Variants in USP46 observed in about 807,000 individuals in gnomAD.
USP46 encodes ubiquitin specific peptidase 46, also known as ubiquitin carboxyl-terminal hydrolase 46.
In USP46, 12 loss-of-function variants were observed where a neutral mutation model predicts 44.4. The ratio of observed to expected loss-of-function variants is 0.27; its 90% confidence interval spans 0.17 to 0.44. The LOEUF is 0.44. Among genes scored for constraint, USP46 ranks in the 20% least tolerant of loss-of-function variants. The pLI, the probability that USP46 is intolerant of heterozygous loss-of-function variation, is 1.00. For synonymous variants in USP46, 155 were observed against 161.5 expected (o/e 0.96, Z 0.31); for missense variants, 248 against 444.8 (o/e 0.56, Z 3.98).
intron 1 of USP46, chr4:52,658,313 C>A (rs1472788361): frequency 4.4e-6 from 2 of 455,978 alleles, no homozygotes; most frequent in South Asian, 3.1e-5. Context: ...TGGGGGAAAC[C>A]CAAATTAAAG....
intron 5 of USP46, among the ~76,000 whole-genome samples, chr4:52,610,073 G>A (rs564864267): frequency 5.4e-5 from 8 of 148,754 alleles, no homozygotes; most frequent in East Asian, 3.9e-4. Context: ...CTACAGGCGC[G>A]CGCCACCATG....
rs1408506581 is a variant in USP46, at chr4:52,596,375, A to G, written c.*1265T>C. ...AACACCAAATGACCCTTTTAAAGGT[A>G]CCAATATTCAAATGCTCTAATAAAT... On this transcript the variant is annotated 3_prime_UTR_variant, in exon 9 of 9. Coordinates refer to ENST00000441222, the MANE Select transcript of USP46 (RefSeq NM_022832.4). The G allele has an allele frequency of 2.6e-5, 4 of 152,590 alleles. No individual in the cohort carries two copies. Among genetic ancestry groups the G allele is most frequent in the Admixed American group, 2.0e-4 (3 of 15,278 alleles). 9.5% of individuals were successfully genotyped at this position (152,590 alleles called of 1,614,324 possible).
At chr4:52,638,284 T>A (rs780679215) in intron 1 of USP46, among the ~76,000 whole-genome samples, 2 of 152,000 alleles carry the variant, frequency 1.3e-5, no homozygotes, top group Non-Finnish European at 2.9e-5. Context: ...GCCATGCTGC[T>A]GGCCTTGAAG....
intron 1 of USP46, among the ~76,000 whole-genome samples, chr4:52,639,395 C>T (rs1484186425): frequency 1.3e-5 from 2 of 152,162 alleles, no homozygotes; most frequent in Admixed American, 6.6e-5. Context: ...GTGTTGAGGA[C>T]TCGGGGTCCT....
rs565219750 is a variant in USP46 at position 52,654,506 on chromosome 4, T to C, written c.36+4609A>G. On this transcript the variant is annotated intron_variant, in intron 1 of 8. Coordinates refer to ENST00000441222, the MANE Select transcript of USP46 (RefSeq NM_022832.4). Reference sequence around the variant, plus strand: ...TCAAAATTGTAATGTTTACTTTCCCTTTATTTCCAGATAACTTCATTTATT... The same window carrying C: ...TCAAAATTGTAATGTTTACTTTCCCCTTATTTCCAGATAACTTCATTTATT... Among the ~76,000 whole-genome samples, 81 of 152,338 alleles carry C rather than the reference T, an allele frequency of 5.3e-4. 3 individuals are homozygous for C. The highest frequency in any genetic ancestry group is 4.7e-3 in the Admixed American group (72 of 15,302).
chr4:52,638,881 A>G (rs1718224775), intron 1 of USP46, among the ~76,000 whole-genome samples: 1 of 152,036 alleles, frequency 6.6e-6, no homozygotes, highest in Admixed American at 6.6e-5. Context: ...TGTACTGTTC[A>G]GTGAGGCATA....
At chr4:52,612,711 G>T (rs971568975) in intron 4 of USP46, among the ~76,000 whole-genome samples, 8 of 152,194 alleles carry the variant, frequency 5.3e-5, no homozygotes, top group African/African-American at 1.9e-4. Flanking sequence ...CACGTGAGTG[G>T]GCTAGCTGAA....
At chr4:52,599,397 G>A (rs564959086) in intron 7 of USP46, among the ~76,000 whole-genome samples, 3 of 152,228 alleles carry the variant, frequency 2.0e-5, no homozygotes, top group African/African-American at 4.8e-5. Flanking sequence ...AGAGGCCAAA[G>A]GAGGCCAGAG....
intron 7 of USP46, among the ~76,000 whole-genome samples, chr4:52,600,444 G>A (rs1329685858): frequency 1.3e-5 from 2 of 152,118 alleles, no homozygotes; most frequent in African/African-American, 2.4e-5. Flanking sequence ...CTTCTGTGGG[G>A]AGGAGTTTGA....
chr4:52,634,801 G>A (rs556638046), intron 1 of USP46, among the ~76,000 whole-genome samples: 37 of 152,224 alleles, frequency 2.4e-4, no homozygotes, highest in African/African-American at 8.2e-4. Context: ...TGGCTGACCC[G>A]ACTCATGGAA....
At chr4:52,607,428 C>T (rs1428333707) in intron 5 of USP46, among the ~76,000 whole-genome samples, 1 of 152,132 alleles carries the variant, frequency 6.6e-6, no homozygotes, top group Non-Finnish European at 1.5e-5. Context: ...TTGCTCTTTC[C>T]AACACTTGGG....
rs781002968 is a variant in USP46 at position 52,616,243 on chromosome 4, T to A, written c.562-5626A>T. Among the ~76,000 whole-genome samples the A allele has an allele frequency of 2.0e-5, 3 of 152,204 alleles. 1 individual carries two copies. The East Asian group carries it at 5.8e-4, about 29-fold the overall frequency. ...TAGAAGCCAGAGATGCTGCTTAACATCCTATAATGCACAGGGCTGTCCCCA... is the reference window on the plus strand; with the variant it reads ...TAGAAGCCAGAGATGCTGCTTAACAACCTATAATGCACAGGGCTGTCCCCA... On this transcript the variant is annotated intron_variant, in intron 4 of 8. Transcript: ENST00000441222.
At chr4:52,657,040 C>CAAAAAAA (rs959028429) in intron 1 of USP46, among the ~76,000 whole-genome samples, 2 of 29,256 alleles carry the variant, frequency 6.8e-5, no homozygotes, top group Non-Finnish European at 7.2e-5. Flanking sequence ...GAGACCTTGT[C>CAAAAAAA]AAAAAAAAAA....
Position 52,632,954 on chromosome 4 carries a change from A to AAG in USP46, c.37-1812_37-1811dup, listed in dbSNP as rs1234745580. 7.0e-4 allele frequency among the ~76,000 whole-genome samples: 54 copies of AAG among 76,762 alleles called. 1 individual carries two copies. Among genetic ancestry groups the AAG allele is most frequent in the African/African-American group, 3.4e-3 (51 of 14,988 alleles). The allele number at this position is 76,762 out of a possible 152,430, so 50.4% of individuals were successfully genotyped here. The stretch of plus-strand genomic sequence containing the variant: ...AAAGAAAGAAAGAAAGAAAGAAAGA[A>AAG]AGAAAGAAAGAAAGAAAGAAAGAAA... On this transcript the variant is annotated intron_variant, in intron 1 of 8. Transcript: ENST00000441222.
chr4:52,648,578 A>G (rs1718638635), intron 1 of USP46, among the ~76,000 whole-genome samples: 1 of 152,194 alleles, frequency 6.6e-6, no homozygotes, highest in Admixed American at 6.5e-5. Flanking sequence ...GACCTAAGCA[A>G]CTGGATCCAT....
rs1202652582 is a variant in USP46 at position 52,597,473 on chromosome 4, G to C, written c.*167C>G. On this transcript the variant is annotated 3_prime_UTR_variant, in exon 9 of 9. Transcript: ENST00000441222. The stretch of plus-strand genomic sequence containing the variant: ...TCAGACTGAAATAAAACCAAGAGTA[G>C]TGCTGCATGTAAAAACACAAAAGGA... The C allele has an allele frequency of 6.7e-6, 4 of 593,896 alleles. No homozygotes were observed. The highest frequency in any genetic ancestry group is 1.2e-5 in the Non-Finnish European group (4 of 336,026). The allele number at this position is 593,896 out of a possible 1,614,324, so 36.8% of individuals were successfully genotyped here. A position where few individuals can be genotyped will look rare whatever the true frequency, so the allele number is the denominator to read the frequency against.
intron 1 of USP46, 28 bp from the exon 2 acceptor site, chr4:52,631,172 GT>G (rs772577566): frequency 6.5e-7 from 1 of 1,528,314 alleles, no homozygotes; most frequent in East Asian, 2.4e-5. Context: ...CAAAAGTTCT[GT>G]TGCATGTAAA....
rs370226114 is a variant in USP46 at position 52,600,567 on chromosome 4, G to A, written c.920+1290C>T. Reference sequence around the variant, plus strand: ...CTGACCTTAGAGAACCCAACCTCCCGCTGAACGTCCAGTTCCCTTACCTGT... The same window carrying A: ...CTGACCTTAGAGAACCCAACCTCCCACTGAACGTCCAGTTCCCTTACCTGT... On this transcript the variant is annotated intron_variant, in intron 7 of 8. Coordinates refer to ENST00000441222, the MANE Select transcript of USP46 (RefSeq NM_022832.4). Among the ~76,000 whole-genome samples the A allele has an allele frequency of 2.6e-4, 39 of 152,018 alleles. No homozygotes were observed. The East Asian group carries it at 6.0e-3, about 23-fold the overall frequency.
intron 1 of USP46, among the ~76,000 whole-genome samples, chr4:52,645,298 C>T (rs564230802): frequency 6.8e-4 from 103 of 151,874 alleles, no homozygotes; most frequent in African/African-American, 2.3e-3. Flanking sequence ...AAAACATCTG[C>T]CACTGAAGAA....
Sources: gnomAD v4.1 joint callset for allele counts (sites outside exome capture counted in the v4.1 genomes callset) on GRCh38, gnomAD v4.1.1 for gene constraint, MANE v1.5 for transcripts, NCBI Gene and HGNC (gene_info 2026-07-23, HGNC 2026-07-21) for gene names.